The following TMEM25 variants were observed in gnomAD, a reference collection of about 807,000 sequenced individuals.
TMEM25 encodes 0610039J01Rik.
TMEM25 carries 36 observed loss-of-function variants against 37.0 expected under a neutral mutation model. The ratio of observed to expected loss-of-function variants is 0.97; its 90% CI spans 0.75 to 1.28. The LOEUF (loss-of-function observed/expected upper bound fraction) is 1.28, where lower values mean the gene tolerates loss of function less well. Ranked by LOEUF, TMEM25 falls within the 50% of genes most tolerant of loss-of-function variation. The pLI, the probability that TMEM25 is intolerant of heterozygous loss-of-function variation, is 0.00. For missense variants in TMEM25, 444 were observed against 477.9 expected, an observed-to-expected ratio of 0.93 and a Z score of 0.66; for synonymous variants, 197 against 203.7, an observed-to-expected ratio of 0.97 and a Z score of 0.28.
In TMEM25 at chr11:118,535,096, A is replaced by G; in HGVS notation, c.*516A>G. 2.9e-6 allele frequency: 3 copies of G among 1,017,820 alleles called. No homozygotes were observed. The highest frequency in any genetic ancestry group is 1.7e-5 in the African/African-American group (1 of 58,276). 63.0% of individuals were successfully genotyped at this position (1,017,820 alleles called of 1,614,324 possible). A position where few individuals can be genotyped will look rare whatever the true frequency, so the allele number is the denominator to read the frequency against. ...TGTGCAGAACCCAATTGCCCTTTGC[A>G]CAGAAACCAACCCCTGACCCAGCGG... On this transcript the variant is annotated 3_prime_UTR_variant, in exon 9 of 9. Coordinates refer to ENST00000313236, the MANE Select transcript of TMEM25 (RefSeq NM_032780.4).
At chr11:118,533,661 C>A in intron 5 of TMEM25, 110 bp downstream of exon 5, 1 of 1,596,126 alleles carries the variant, frequency 6.3e-7, no homozygotes, top group Non-Finnish European at 8.6e-7. Flanking sequence ...CAGAGCACTT[C>A]CAGGGGGTGG....
intron 8 of TMEM25, among the ~76,000 whole-genome samples, chr11:118,541,958 C>T (rs1019619424): frequency 2.0e-5 from 3 of 152,102 alleles, no homozygotes; most frequent in Non-Finnish European, 4.4e-5. Flanking sequence ...GGTTTCACTT[C>T]GTTCCCCGGC....
downstream of TMEM25, among the ~76,000 whole-genome samples, chr11:118,538,658 C>T (rs1951540688): frequency 6.6e-6 from 1 of 151,902 alleles, no homozygotes; most frequent in Non-Finnish European, 1.5e-5. Flanking sequence ...TTTGGGAGGC[C>T]GAGGCAGGTG....
intron 8 of TMEM25, chr11:118,545,285 G>A (rs1278178876): frequency 6.2e-6 from 5 of 803,626 alleles, no homozygotes; most frequent in Non-Finnish European, 1.0e-5. Flanking sequence ...TTATGGGAAA[G>A]GGCGAAGGTA....
At chr11:118,541,476 AAAAG>A (rs1951578309) in intron 8 of TMEM25, among the ~76,000 whole-genome samples, 1 of 24,904 alleles carries the variant, frequency 4.0e-5, no homozygotes. Context: ...AAAAAAAAAA[AAAAG>A]AAAAAGAAAC....
At chr11:118,532,065 G>C in intron 2 of TMEM25, 85 bp from the exon 3 acceptor site, 1 of 1,433,986 alleles carries the variant, frequency 7.0e-7, no homozygotes, top group South Asian at 1.4e-5. Flanking sequence ...TTGGCCTGCT[G>C]CTCTTCTCAC....
intron 8 of TMEM25, among the ~76,000 whole-genome samples, chr11:118,543,184 TG>T (rs1291372204): frequency 7.2e-5 from 11 of 152,068 alleles, no homozygotes; most frequent in African/African-American, 2.7e-4. Flanking sequence ...TGGAGGTTGC[TG>T]TAAGCCTCAG....
chr11:118,534,074 G>A lies in TMEM25; in HGVS notation c.882G>A (p.Glu294=), dbSNP rs1951425918. The A allele has an allele frequency of 3.7e-6, 6 of 1,614,000 alleles. No homozygotes were observed. Among genetic ancestry groups the A allele is most frequent in the Non-Finnish European group, 5.1e-6 (6 of 1,180,022 alleles). ...LKLNNVRLPR[E]NMSLPSNLQL... is the part of the protein sequence containing the mutation. ...TCAACAACGTGCGCCTGCCACGGGA[G>A]AACATGTCCCTCCCGTCCAACCTTC... is the stretch of plus-strand genomic sequence containing the variant. Residue 294 remains glutamate, a synonymous_variant, in exon 7 of 9, where the codon GAG becomes GAA. Coordinates refer to ENST00000313236, the MANE Select transcript of TMEM25 (RefSeq NM_032780.4). The surrounding 1 kb of genome is among the most constrained non-coding windows in gnomAD (Gnocchi z 4.6).
chr11:118,546,321 A>G, exon 9 of TMEM25: 1 of 594,210 alleles, frequency 1.7e-6, no homozygotes, highest in Non-Finnish European at 3.1e-6. Context: ...AACATGGTGA[A>G]ATTCCATCTC....
Position 118,533,873 on chromosome 11 carries a change from A to G in TMEM25, c.822A>G (p.Pro274=). ...EKKTKGPSRH[P]SLISSDSNNL... The stretch of plus-strand genomic sequence containing the variant: ...TCTCCACAGGCCCCTCCCGGCACCC[A>G]TCTCTGATATCAAGGTAACTCTTCC... The change falls in exon 6 of 9, where the codon CCA becomes CCG. Residue 274 remains proline, a synonymous_variant. Coordinates refer to ENST00000313236, the MANE Select transcript of TMEM25 (RefSeq NM_032780.4). The G allele has an allele frequency of 6.2e-7, 1 of 1,614,110 alleles. No individual in the cohort carries two copies. The highest frequency in any genetic ancestry group is 8.5e-7 in the Non-Finnish European group (1 of 1,180,002).
downstream of TMEM25, among the ~76,000 whole-genome samples, chr11:118,536,533 GGA>G (rs1246589363): frequency 1.3e-5 from 2 of 152,052 alleles, no homozygotes; most frequent in African/African-American, 4.8e-5. Flanking sequence ...GTCTCACAGT[GGA>G]AAAAATATAG....
intron 8 of TMEM25, chr11:118,545,954 G>C (rs781896622): frequency 1.7e-4 from 165 of 980,626 alleles, no homozygotes; most frequent in Non-Finnish European, 2.5e-4. Flanking sequence ...ATAAGACACA[G>C]GTTATGGGCT....
chr11:118,539,433 T>C (rs1356720327), downstream of TMEM25, among the ~76,000 whole-genome samples: 2 of 152,184 alleles, frequency 1.3e-5, no homozygotes, highest in African/African-American at 4.8e-5. Context: ...CCCAAAGTGC[T>C]GGGATTACAG....
At chr11:118,533,261 C>T (rs782784368) in intron 4 of TMEM25, 54 bp downstream of exon 4, 35 of 1,556,370 alleles carry the variant, frequency 2.2e-5, no homozygotes, top group Admixed American at 1.4e-4. Flanking sequence ...TCAGGGGTCC[C>T]GTCCCCATAC....
intron 2 of TMEM25, 74 bp downstream of exon 2, chr11:118,531,945 G>A: frequency 6.6e-7 from 1 of 1,519,164 alleles, no homozygotes; most frequent in East Asian, 2.5e-5. Flanking sequence ...CTGCACTTCT[G>A]TTTGGGTACC....
At chr11:118,533,310 T>C in intron 4 of TMEM25, 103 bp downstream of exon 4, 1 of 1,572,614 alleles carries the variant, frequency 6.4e-7, no homozygotes, top group South Asian at 1.2e-5. Context: ...TTGGGTCTTG[T>C]GGATGAACTG....
chr11:118,541,535 TATAAC>T (rs1261194520), intron 8 of TMEM25, among the ~76,000 whole-genome samples: 9 of 152,048 alleles, frequency 5.9e-5, no homozygotes, highest in Non-Finnish European at 1.3e-4. Context: ...TTTTGTTACT[TATAAC>T]AATACCTAAA....
At position 118,531,791 on chromosome 11, in the gene TMEM25, C is replaced by A; in HGVS notation, c.-11C>A. On this transcript the variant is annotated 5_prime_UTR_variant, in exon 2 of 9. Coordinates refer to ENST00000313236, the MANE Select transcript of TMEM25 (RefSeq NM_032780.4). Reference sequence around the variant, plus strand: ...TTCTCTCAGCAGCCTAGGGCCTAGGCCCGGGCCACCATGGCGCTGCCTCCA... The same window carrying A: ...TTCTCTCAGCAGCCTAGGGCCTAGGACCGGGCCACCATGGCGCTGCCTCCA... 1 of 1,549,758 alleles carries A rather than the reference C, an allele frequency of 6.5e-7. No homozygotes were observed. The highest frequency in any genetic ancestry group is 8.7e-7 in the Non-Finnish European group (1 of 1,146,658).
At chr11:118,536,198 CTTTTT>C (rs1158700334), downstream of TMEM25, among the ~76,000 whole-genome samples, 1 of 137,666 alleles carries the variant, frequency 7.3e-6, no homozygotes, top group African/African-American at 2.7e-5. Flanking sequence ...CTTTTCTTTT[CTTTTT>C]TTTTTTTGAG....
Sources: gnomAD v4.1 joint callset for allele counts (sites outside exome capture counted in the v4.1 genomes callset) on GRCh38, gnomAD v4.1.1 for gene constraint, Gnocchi (gnomAD v3.1) non-coding constraint, MANE v1.5 for transcripts, NCBI Gene and HGNC (gene_info 2026-07-23, HGNC 2026-07-21) for gene names.